The following CECR2 variants were observed in gnomAD, a reference collection of about 807,000 sequenced individuals.
CECR2 encodes the protein chromatin remodeling regulator CECR2.
In CECR2, 30 loss-of-function variants were observed where a neutral mutation model predicts 154.5. That is an observed-to-expected ratio of 0.19 (90% CI 0.15 to 0.26). The LOEUF is 0.26. Ranked by LOEUF, CECR2 falls within the 10% of genes least tolerant of loss-of-function variation. CECR2 has a pLI of 1.00. For synonymous variants in CECR2, 725 were observed against 683.7 expected (o/e 1.06, Z -0.94); for missense variants, 1,743 against 1,829.3 (o/e 0.95, Z 0.86).
intron 2 of CECR2, among the ~76,000 whole-genome samples, chr22:17,495,861 CAAAAAAAAAA>C (rs10558473): frequency 1.5e-5 from 1 of 67,220 alleles, no homozygotes; most frequent in African/African-American, 6.0e-5. Flanking sequence ...GACTCTGTCT[CAAAAAAAAAA>C]AAAAAAAAAA....
intron 16 of CECR2, among the ~76,000 whole-genome samples, chr22:17,547,866 T>C (rs1218414152): frequency 4.6e-5 from 7 of 152,322 alleles, no homozygotes; most frequent in Non-Finnish European, 4.4e-5. Context: ...TCTCAGCCTC[T>C]TACGAATCGG....
intron 1 of CECR2, among the ~76,000 whole-genome samples, chr22:17,439,551 T>A (rs1047615441): frequency 4.1e-5 from 6 of 146,502 alleles, no homozygotes; most frequent in African/African-American, 1.0e-4. Context: ...CAAAAAAAAA[T>A]ATCTGAAAAG....
chr22:17,546,917 T>C (rs1174408467), intron 16 of CECR2, among the ~76,000 whole-genome samples: 4 of 150,360 alleles, frequency 2.7e-5, no homozygotes, highest in Non-Finnish European at 4.4e-5. Context: ...TGCAGGCCTG[T>C]AAGTTCAGCC....
intron 2 of CECR2, among the ~76,000 whole-genome samples, chr22:17,482,821 C>T (rs1418657471): frequency 2.0e-5 from 3 of 147,280 alleles, no homozygotes; most frequent in Admixed American, 1.4e-4. Context: ...GCTGGGACTA[C>T]AGGTGCCCAC....
At chr22:17,381,893 T>TTTG (rs555202813) in intron 1 of CECR2, among the ~76,000 whole-genome samples, 1 of 148,424 alleles carries the variant, frequency 6.7e-6, no homozygotes, top group African/African-American at 2.5e-5. Flanking sequence ...CATTTTTTTT[T>TTTG]TTTGTTTTTT....
In CECR2 at chr22:17,508,031, T is replaced by C. The variant is rs1032853634; in HGVS notation, c.870+3015T>C. 5.3e-5 allele frequency among the ~76,000 whole-genome samples: 8 copies of C among 152,182 alleles called. No individual in the cohort carries two copies. In the South Asian group the frequency reaches 8.3e-4, roughly 16 times the overall value. ...TACTCTGTTCGTTCTGATATAGATA[T>C]CTTTGAACGCCATACCTGATAAAAT... On this transcript the variant is annotated intron_variant, in intron 7 of 18. Coordinates refer to ENST00000262608, the MANE Select transcript of CECR2 (RefSeq NM_001290047.2).
At chr22:17,460,511 C>T (rs1015849632) in intron 1 of CECR2, among the ~76,000 whole-genome samples, 10 of 152,144 alleles carry the variant, frequency 6.6e-5, no homozygotes, top group South Asian at 2.1e-4. Flanking sequence ...CGCCCAGCCT[C>T]GATTTGGATT....
At position 17,504,863 on chromosome 22, in the gene CECR2, C is replaced by A; in HGVS notation, c.717C>A (p.Gly239=). The part of the protein sequence containing the change: ...PQTRHGSQGP[G]QGTWWLLCQT... ...ATTTTCTAGGGTCCCAAGGGCCAGGCCAAGGTACTTGGTGGCTCCTGTGCC... is the reference window on the plus strand; with the variant it reads ...ATTTTCTAGGGTCCCAAGGGCCAGGACAAGGTACTTGGTGGCTCCTGTGCC... Residue 239 remains glycine (G), a synonymous_variant, in exon 7 of 19, where the codon GGC becomes GGA. Transcript: ENST00000262608. 6.2e-7 allele frequency: 1 copy of A among 1,613,786 alleles called. No homozygotes were observed.
At chr22:17,466,838 C>T (rs774258198) in intron 1 of CECR2, among the ~76,000 whole-genome samples, 4 of 152,256 alleles carry the variant, frequency 2.6e-5, no homozygotes, top group South Asian at 2.1e-4. Flanking sequence ...GTGATCCTCC[C>T]GCCCCGGCCT....
chr22:17,435,672 T>C, intron 1 of CECR2, among the ~76,000 whole-genome samples: 1 of 130,186 alleles, frequency 7.7e-6, no homozygotes. Context: ...TCCCTTGAGC[T>C]CTTTTAATTC....
At chr22:17,397,738 C>T (rs1183798754) in intron 1 of CECR2, among the ~76,000 whole-genome samples, 2 of 152,166 alleles carry the variant, frequency 1.3e-5, no homozygotes, top group Non-Finnish European at 2.9e-5. Context: ...ACCTCGTGAT[C>T]CGCCCGCCTC....
At chr22:17,448,323 A>G (rs549758868) in intron 1 of CECR2, among the ~76,000 whole-genome samples, 33 of 152,222 alleles carry the variant, frequency 2.2e-4, no homozygotes, top group Non-Finnish European at 4.0e-4. Context: ...TAAATAGTCT[A>G]GTTTCAACTT....
At chr22:17,492,138 G>A (rs1349873631) in intron 2 of CECR2, among the ~76,000 whole-genome samples, 1 of 152,202 alleles carries the variant, frequency 6.6e-6, no homozygotes, top group Non-Finnish European at 1.5e-5. Context: ...AACGTGGCCT[G>A]TGTGTACATG....
At chr22:17,431,829 A>G (rs939538137) in intron 1 of CECR2, among the ~76,000 whole-genome samples, 6 of 152,098 alleles carry the variant, frequency 3.9e-5, no homozygotes, top group Admixed American at 2.6e-4. Context: ...CAATTAACTC[A>G]TTTGAAGTAT....
chr22:17,472,952 T>C (rs2055151487), intron 1 of CECR2, among the ~76,000 whole-genome samples: 1 of 152,146 alleles, frequency 6.6e-6, no homozygotes, highest in Admixed American at 6.5e-5. Context: ...GTAAAGGCCC[T>C]GTTTCTTCTG....
intron 1 of CECR2, among the ~76,000 whole-genome samples, chr22:17,423,577 C>T (rs2054289275): frequency 6.6e-6 from 1 of 152,038 alleles, no homozygotes; most frequent in Non-Finnish European, 1.5e-5. Flanking sequence ...AGAGTGGTCT[C>T]CTGCTTCTGG....
intron 7 of CECR2, among the ~76,000 whole-genome samples, chr22:17,507,511 G>A (rs1601481558): frequency 6.6e-6 from 1 of 152,062 alleles, no homozygotes; most frequent in Non-Finnish European, 1.5e-5. Flanking sequence ...AAATTATCTG[G>A]AAATATACCC....
chr22:17,427,447 G>T (rs544262195), intron 1 of CECR2, among the ~76,000 whole-genome samples: 1 of 152,026 alleles, frequency 6.6e-6, no homozygotes, highest in African/African-American at 2.4e-5. Context: ...TCTTGGTCTC[G>T]CTGACTTCAA....
At chr22:17,394,404 T>G (rs2053777750) in intron 1 of CECR2, among the ~76,000 whole-genome samples, 1 of 151,854 alleles carries the variant, frequency 6.6e-6, no homozygotes, top group African/African-American at 2.4e-5. Flanking sequence ...AGACAGGGTC[T>G]TACTATGCTA....
Sources: gnomAD v4.1 joint callset for allele counts (sites outside exome capture counted in the v4.1 genomes callset) on GRCh38, gnomAD v4.1.1 for gene constraint, MANE v1.5 for transcripts, NCBI Gene and HGNC (gene_info 2026-07-23, HGNC 2026-07-21) for gene names.